Variants in MBTPS2 observed in about 807,000 individuals in gnomAD.
MBTPS2 encodes the protein membrane bound transcription factor peptidase, site 2.
MBTPS2 carries 2 observed loss-of-function variants against 35.4 expected under a neutral mutation model. The ratio of observed to expected loss-of-function variants is 0.06; its 90% CI spans 0.02 to 0.18. MBTPS2 has a LOEUF of 0.18. Ranked by LOEUF, MBTPS2 falls within the 10% of genes least tolerant of loss-of-function variation. The pLI is 1.00. For synonymous variants in MBTPS2, 125 were observed against 140.4 expected (o/e 0.89, Z 0.77); for missense variants, 244 against 386.5 (o/e 0.63, Z 3.09).
chrX:21,871,469 A>G (rs2092947289), intron 7 of MBTPS2: 1 of 111,783 alleles, frequency 8.9e-6, no homozygotes, highest in South Asian at 3.7e-4. Context: ...TAGGGGAAGT[A>G]TTTTAAAGTA....
chrX:21,857,031 T>C, intron 5 of MBTPS2: 1 of 1,211,055 alleles, frequency 8.3e-7, no homozygotes, highest in Non-Finnish European at 1.1e-6. Context: ...GGAGGGTGAG[T>C]TTTCCGTGAC....
In MBTPS2 at chrX:21,843,290, C is replaced by T. The variant is rs764955640; in HGVS notation, c.196C>T (p.Arg66Trp). The change falls in exon 2 of 11, where the codon CGG becomes TGG. Residue 66 changes from arginine (R) to tryptophan (W), a missense_variant. Coordinates refer to ENST00000379484, the MANE Select transcript of MBTPS2 (RefSeq NM_015884.4). ...CAATCGTGCCTTTTACAGTTGGGGA[C>T]GGCGGAAAGCAAGGATGCTTTACCA... is the stretch of plus-strand genomic sequence containing the variant. The part of the protein sequence containing the change: ...VFNRAFYSWG[R>W]RKARMLYQWF... The T allele has an allele frequency of 5.8e-6, 7 of 1,211,116 alleles. No individual in the cohort carries two copies. The highest frequency in any genetic ancestry group is 7.8e-6 in the Non-Finnish European group (7 of 895,035).
At chrX:21,841,660 A>G (rs2092902761) in intron 1 of MBTPS2, 1 of 81,447 alleles carries the variant, frequency 1.2e-5, no homozygotes, top group South Asian at 4.9e-4. Context: ...TTCATGTTGC[A>G]TATGTGAAAA....
chrX:21,878,795 A>G (rs3752405), intron 9 of MBTPS2, 103 bp downstream of exon 9: 35,428 of 583,995 alleles, frequency 0.061, 2,057 homozygotes, highest in Admixed American at 0.28. Context: ...TTTATTATAA[A>G]TTTGATCATT....
chrX:21,843,115 C>T, intron 1 of MBTPS2, 55 bp from the exon 2 acceptor site: 2 of 971,198 alleles, frequency 2.1e-6, no homozygotes, highest in East Asian at 6.1e-5. Context: ...TTTTCTTACA[C>T]ATTATAAATT....
At position 21,846,545 on chromosome X, in the gene MBTPS2, CT is replaced by C. The variant is rs1312386196; in HGVS notation, c.438+1165del. 3.6e-5 allele frequency among the ~76,000 whole-genome samples: 4 copies of C among 111,262 alleles called. No individual in the cohort carries two copies. The East Asian group carries it at 1.1e-3, about 31-fold the overall frequency. ...ACCACCACGCCTGGCTAATTTTGTA[CT>C]TTTAGTAGAGACGGGGTTTCTCCAT... On this transcript the variant is annotated intron_variant, in intron 3 of 10. Transcript: ENST00000379484.
chrX:21,884,176 T>G lies in MBTPS2; in HGVS notation c.*1521T>G. ...TAGATGTTGAATATAATTTTAACAT[T>G]TTATTAATGACTTGGGTCATCAGTT... On this transcript the variant is annotated 3_prime_UTR_variant, in exon 11 of 11. Transcript: ENST00000379484. The G allele has an allele frequency of 1.4e-6, 1 of 704,705 alleles. No homozygotes were observed. Among genetic ancestry groups the G allele is most frequent in the Non-Finnish European group, 1.7e-6 (1 of 593,937 alleles). The allele number at this position is 704,705 out of a possible 1,213,427, so 58.1% of individuals were successfully genotyped here.
chrX:21,850,585 T>C (rs1382496120), intron 3 of MBTPS2, among the ~76,000 whole-genome samples: 4 of 111,495 alleles, frequency 3.6e-5, no homozygotes, highest in African/African-American at 9.8e-5. Context: ...AGTATGTAAA[T>C]GGTATTCCTG....
intron 5 of MBTPS2, among the ~76,000 whole-genome samples, chrX:21,862,937 T>TATATATAAAC (rs1466267291): frequency 1.0e-3 from 27 of 26,508 alleles, no homozygotes; most frequent in African/African-American, 8.0e-3. Context: ...TATAAACATA[T>TATATATAAAC]ATATATATAT....
intron 3 of MBTPS2, among the ~76,000 whole-genome samples, chrX:21,846,999 T>C (rs1480029024): frequency 9.0e-6 from 1 of 111,427 alleles, no homozygotes; most frequent in African/African-American, 3.3e-5. Context: ...AAGTAAGCTT[T>C]TGGAGTGGAA....
chrX:21,871,530 C>T (rs904837962), intron 7 of MBTPS2: 8 of 111,460 alleles, frequency 7.2e-5, no homozygotes, highest in Non-Finnish European at 1.1e-4. Context: ...CTGCCTTTAA[C>T]GGATGATGAC....
At position 21,839,659 on chromosome X, in the gene MBTPS2, G is replaced by C. The variant is rs2092900416; in HGVS notation, c.-76G>C. 1 of 1,047,111 alleles carries C rather than the reference G, an allele frequency of 9.6e-7. No individual in the cohort carries two copies. Among genetic ancestry groups the C allele is most frequent in the African/African-American group, 1.8e-5 (1 of 54,122 alleles). 86.3% of individuals were successfully genotyped at this position (1,047,111 alleles called of 1,213,427 possible). On this transcript the variant is annotated 5_prime_UTR_variant, in exon 1 of 11. Coordinates refer to ENST00000379484, the MANE Select transcript of MBTPS2 (RefSeq NM_015884.4). Reference sequence around the variant, plus strand: ...TGAGCGGATGCTGGGGCTGTAAGGCGCGCGCGGTCAGCTGTTGGCGGTGCA... The same window carrying C: ...TGAGCGGATGCTGGGGCTGTAAGGCCCGCGCGGTCAGCTGTTGGCGGTGCA...
At chrX:21,844,004 G>A (rs1047880549) in intron 2 of MBTPS2, among the ~76,000 whole-genome samples, 6 of 107,295 alleles carry the variant, frequency 5.6e-5, no homozygotes, top group Non-Finnish European at 3.8e-5. Context: ...CCAGCTACTC[G>A]GGAGGCTAAG....
intron 5 of MBTPS2, among the ~76,000 whole-genome samples, chrX:21,854,595 G>C (rs1401415637): frequency 8.9e-6 from 1 of 111,911 alleles, no homozygotes; most frequent in East Asian, 2.8e-4. Context: ...AGGAATATAA[G>C]CCACAATGAA....
At chrX:21,842,794 T>G (rs928382791) in intron 1 of MBTPS2, among the ~76,000 whole-genome samples, 2 of 112,159 alleles carry the variant, frequency 1.8e-5, no homozygotes, top group Non-Finnish European at 3.8e-5. Flanking sequence ...GTCAGCGAAC[T>G]TTTTGTAAAG....
At chrX:21,846,058 G>T (rs186410786) in intron 3 of MBTPS2, among the ~76,000 whole-genome samples, 1 of 111,811 alleles carries the variant, frequency 8.9e-6, no homozygotes, top group African/African-American at 3.2e-5. Context: ...ATTAGTAACA[G>T]ATTGGGTTTT....
At chrX:21,875,497 G>A (rs1014885754) in intron 7 of MBTPS2, among the ~76,000 whole-genome samples, 4 of 112,095 alleles carry the variant, frequency 3.6e-5, no homozygotes, top group Non-Finnish European at 5.6e-5. Context: ...CAAACATGCC[G>A]TATCATTAGC....
At position 21,839,746 on chromosome X, in the gene MBTPS2, G is replaced by A; in HGVS notation, c.12G>A (p.Val4=). The A allele has an allele frequency of 8.4e-7, 1 of 1,190,097 alleles. No homozygotes were observed. The highest frequency in any genetic ancestry group is 1.1e-6 in the Non-Finnish European group (1 of 884,091). Residue 4 remains valine, a synonymous_variant, in exon 1 of 11, where the codon GTG becomes GTA. Transcript: ENST00000379484. ...CCGCCGCTGCCGCCATGATTCCGGT[G>A]TCGCTGGTGGTGGTGGTGGTGGGTG... The part of the protein sequence containing the change: MIP[V]SLVVVVVGGW...
At position 21,878,238 on chromosome X, in the gene MBTPS2, A is replaced by G. The variant is rs2092955225; in HGVS notation, c.1065+102A>G. On this transcript the variant is annotated intron_variant, in intron 8 of 10. Transcript: ENST00000379484. ...TATGGAAACTTCTCTCTTTTGCTCT[A>G]TTTGTATCATTTTATTAAAATCTCT... 13 of 569,140 alleles carry G rather than the reference A, an allele frequency of 2.3e-5. No homozygotes were observed. In the South Asian group the frequency reaches 2.9e-4, roughly 13 times the overall value. 46.9% of individuals were successfully genotyped at this position (569,140 alleles called of 1,213,427 possible). A position where few individuals can be genotyped will look rare whatever the true frequency, so the allele number is the denominator to read the frequency against.
Sources: gnomAD v4.1 joint callset for allele counts (sites outside exome capture counted in the v4.1 genomes callset) on GRCh38, gnomAD v4.1.1 for gene constraint, MANE v1.5 for transcripts, NCBI Gene and HGNC (gene_info 2026-07-23, HGNC 2026-07-21) for gene names.